Variants in KANSL1L observed in about 807,000 individuals in gnomAD.
KANSL1L encodes KAT8 regulatory NSL complex subunit 1-like protein.
Under a neutral mutation model 108.6 loss-of-function variants are expected in KANSL1L, and 25 were observed. The observed-to-expected ratio is 0.23, with a 90% CI of 0.17 to 0.32. The LOEUF is 0.32. KANSL1L is among the 10% of genes least tolerant of loss of function. The pLI is 1.00. For missense variants in KANSL1L, 1,137 were observed against 1,125.7 expected, an observed-to-expected ratio of 1.01 and a Z score of -0.14; for synonymous variants, 405 against 395.1, an observed-to-expected ratio of 1.03 and a Z score of -0.30.
chr2:210,109,030 T>C (rs1190266858), intron 3 of KANSL1L, among the ~76,000 whole-genome samples: 3 of 152,150 alleles, frequency 2.0e-5, no homozygotes, highest in Non-Finnish European at 4.4e-5. Flanking sequence ...AACGCCTTTT[T>C]CTAGTTCCAT....
At chr2:210,084,654 G>T (rs979305386) in intron 5 of KANSL1L, among the ~76,000 whole-genome samples, 6 of 150,518 alleles carry the variant, frequency 4.0e-5, no homozygotes, top group African/African-American at 1.5e-4. Context: ...TCACTTTGTC[G>T]CCAGGCTGGA....
chr2:210,124,743 A>G (rs1203459221), intron 3 of KANSL1L, among the ~76,000 whole-genome samples: 1 of 152,144 alleles, frequency 6.6e-6, no homozygotes, highest in Non-Finnish European at 1.5e-5. Context: ...CAAAATCGAC[A>G]AACCTTTAGC....
At chr2:210,163,833 T>C (rs891380414) in intron 1 of KANSL1L, among the ~76,000 whole-genome samples, 1 of 152,140 alleles carries the variant, frequency 6.6e-6, no homozygotes, top group African/African-American at 2.4e-5. Flanking sequence ...TGAAGGCAGG[T>C]GTTATGTGTT....
At chr2:210,030,284 T>A (rs1279967267) in intron 9 of KANSL1L, among the ~76,000 whole-genome samples, 1 of 152,028 alleles carries the variant, frequency 6.6e-6, no homozygotes, top group Non-Finnish European at 1.5e-5. Context: ...TTATCCTAAT[T>A]TATGTGAGGT....
chr2:210,115,443 A>G (rs1368298779), intron 3 of KANSL1L, among the ~76,000 whole-genome samples: 1 of 152,250 alleles, frequency 6.6e-6, no homozygotes, highest in Non-Finnish European at 1.5e-5. Flanking sequence ...CAACTTGTTG[A>G]GATACTGAAA....
chr2:210,033,013 A>G (rs1342147668), intron 8 of KANSL1L: 1 of 152,216 alleles, frequency 6.6e-6, no homozygotes, highest in African/African-American at 2.4e-5. Flanking sequence ...CAGAATGGAC[A>G]CAGCTGAAAA....
intron 3 of KANSL1L, among the ~76,000 whole-genome samples, chr2:210,123,663 T>G (rs971240353): frequency 6.6e-6 from 1 of 152,006 alleles, no homozygotes; most frequent in Non-Finnish European, 1.5e-5. Flanking sequence ...TAAAAATAAT[T>G]AAGAGTATAA....
chr2:210,123,383 G>A (rs1300817929), intron 3 of KANSL1L, among the ~76,000 whole-genome samples: 1 of 152,042 alleles, frequency 6.6e-6, no homozygotes, highest in East Asian at 1.9e-4. Flanking sequence ...TTGCAACAAC[G>A]TGGATGGAAC....
At chr2:210,156,483 A>G (rs1049781562) in intron 1 of KANSL1L, among the ~76,000 whole-genome samples, 1 of 152,182 alleles carries the variant, frequency 6.6e-6, no homozygotes, top group Non-Finnish European at 1.5e-5. Flanking sequence ...ATTGCCATTA[A>G]AAAGGAATGA....
At position 210,153,735 on chromosome 2, in the gene KANSL1L, C is replaced by T. The variant is rs776675813; in HGVS notation, c.848G>A (p.Gly283Asp). The change falls in exon 2 of 15, where the codon GGT (glycine) becomes GAT (aspartate). Residue 283 changes from glycine to aspartate, a missense_variant. Gly to Asp is a moderately conservative substitution (Grantham distance 94). Around this residue, in one of 3 missense-constraint regions of KANSL1L, gnomAD observed 556 missense variants for 537.7 expected, o/e 1.03. Coordinates refer to ENST00000281772, the MANE Select transcript of KANSL1L (RefSeq NM_152519.4). ...KTFHEPTTILGNSLPKCTEIK... is the reference protein window; with the variant it reads ...KTFHEPTTILDNSLPKCTEIK... ...TTCAGTGCATTTAGGTAAACTATTA[C>T]CCAAAATTGTGGTAGGTTCATGAAA... 2.5e-6 allele frequency: 4 copies of T among 1,605,636 alleles called. No homozygotes were observed. The highest frequency in any genetic ancestry group is 1.1e-5 in the South Asian group (1 of 89,086).
At chr2:210,127,866 A>G (rs1431169678) in intron 3 of KANSL1L, among the ~76,000 whole-genome samples, 1 of 150,306 alleles carries the variant, frequency 6.7e-6, no homozygotes. Context: ...CATATATCTG[A>G]TAAGAAATTA....
chr2:210,031,586 T>C lies in KANSL1L; in HGVS notation c.2030-40A>G, dbSNP rs780466410. 8 of 1,330,048 alleles carry C rather than the reference T, an allele frequency of 6.0e-6. No homozygotes were observed. In the South Asian group the frequency reaches 1.1e-4, roughly 19 times the overall value. The allele number at this position is 1,330,048 out of a possible 1,614,324, so 82.4% of individuals were successfully genotyped here. On this transcript the variant is annotated intron_variant, in intron 8 of 14. Coordinates refer to ENST00000281772, the MANE Select transcript of KANSL1L (RefSeq NM_152519.4). The stretch of plus-strand genomic sequence containing the variant: ...AAGGAAATATTAAGTTTTAGTTCCT[T>C]AACACAGACAGTGAACATGTCAATC...
intron 1 of KANSL1L, among the ~76,000 whole-genome samples, chr2:210,163,110 G>A (rs2095370224): frequency 1.3e-5 from 2 of 152,098 alleles, no homozygotes; most frequent in South Asian, 4.1e-4. Context: ...GCTTTCAAGA[G>A]AAAACGACAA....
chr2:210,057,687 C>T (rs1011444657), intron 6 of KANSL1L, among the ~76,000 whole-genome samples: 14 of 152,288 alleles, frequency 9.2e-5, no homozygotes, highest in Admixed American at 5.2e-4. Flanking sequence ...GGCAGAAGAA[C>T]GTGGATTGTG....
intron 6 of KANSL1L, among the ~76,000 whole-genome samples, chr2:210,066,507 T>C (rs2094468217): frequency 6.6e-6 from 1 of 152,192 alleles, no homozygotes; most frequent in African/African-American, 2.4e-5. Flanking sequence ...AATTTTTACA[T>C]AGGTATATGC....
At chr2:210,086,082 T>C (rs888770857) in intron 5 of KANSL1L, among the ~76,000 whole-genome samples, 7 of 151,932 alleles carry the variant, frequency 4.6e-5, no homozygotes, top group Non-Finnish European at 1.0e-4. Flanking sequence ...TGTGATTAGT[T>C]TGCCAGCCTA....
intron 2 of KANSL1L, among the ~76,000 whole-genome samples, chr2:210,135,071 T>C (rs2095161651): frequency 6.6e-6 from 1 of 152,132 alleles, no homozygotes. Context: ...GCAAGAAGTC[T>C]ATTATTGTAA....
chr2:210,060,486 T>G (rs2094407910), intron 6 of KANSL1L, among the ~76,000 whole-genome samples: 1 of 152,226 alleles, frequency 6.6e-6, no homozygotes, highest in African/African-American at 2.4e-5. Flanking sequence ...CATGCTAAAA[T>G]TCATAAAAAA....
chr2:210,161,022 T>C (rs2095358597), intron 1 of KANSL1L, among the ~76,000 whole-genome samples: 1 of 140,964 alleles, frequency 7.1e-6, no homozygotes, highest in Non-Finnish European at 1.5e-5. Context: ...GGAGTTTCAC[T>C]CTGTCGCCCA....
Sources: allele counts gnomAD v4.1 joint callset (sites outside exome capture counted in the v4.1 genomes callset), GRCh38; gene constraint gnomAD v4.1.1; regional missense constraint gnomAD v4.1.1; transcripts MANE v1.5; gene names NCBI Gene and HGNC (gene_info 2026-07-23, HGNC 2026-07-21).